The following SPATS2L variants were observed in gnomAD, a reference collection of about 807,000 sequenced individuals.
The protein encoded by SPATS2L is SPATS2-like protein.
Under a neutral mutation model 59.6 loss-of-function variants are expected in SPATS2L, and 30 were observed. That is an observed-to-expected ratio of 0.50 (90% CI 0.38 to 0.68). The LOEUF (loss-of-function observed/expected upper bound fraction) is 0.68. Ranked by LOEUF, SPATS2L falls within the 30% of genes least tolerant of loss-of-function variation. The probability of loss-of-function intolerance (pLI) is 0.00; values close to 1 mark genes in which losing one functional copy is unlikely to be tolerated. For missense variants in SPATS2L, 615 were observed against 700.0 expected (o/e 0.88, Z 1.37); for synonymous variants, 252 against 263.5 (o/e 0.96, Z 0.42).
chr2:200,370,645 A>G (rs770069596), intron 2 of SPATS2L, among the ~76,000 whole-genome samples: 5 of 152,170 alleles, frequency 3.3e-5, no homozygotes, highest in Non-Finnish European at 5.9e-5. Flanking sequence ...TTCTATATAT[A>G]TTAGTTTATT....
chr2:200,470,464 T>G (rs2086942221), intron 11 of SPATS2L, among the ~76,000 whole-genome samples: 1 of 152,226 alleles, frequency 6.6e-6, no homozygotes, highest in Admixed American at 6.5e-5. Context: ...CTCGGTTCTC[T>G]GTGCTGAGTG....
At chr2:200,471,594 G>T (rs567346133) in intron 11 of SPATS2L, among the ~76,000 whole-genome samples, 2 of 152,248 alleles carry the variant, frequency 1.3e-5, no homozygotes, top group South Asian at 4.2e-4. Context: ...AGAGCACATT[G>T]AGAACCCACA....
chr2:200,400,514 T>C (rs2082492276), intron 3 of SPATS2L, among the ~76,000 whole-genome samples: 1 of 152,250 alleles, frequency 6.6e-6, no homozygotes, highest in African/African-American at 2.4e-5. Context: ...ATGTATATAT[T>C]TAAACTTCCC....
intron 3 of SPATS2L, among the ~76,000 whole-genome samples, chr2:200,392,368 G>A (rs546689198): frequency 6.6e-6 from 1 of 152,258 alleles, no homozygotes; most frequent in Non-Finnish European, 1.5e-5. Context: ...GGTTTGGGGT[G>A]GTGAACCCAG....
intron 3 of SPATS2L, chr2:200,390,830 T>A (rs1342690951): frequency 6.7e-6 from 1 of 148,324 alleles, no homozygotes; most frequent in Non-Finnish European, 1.5e-5. Flanking sequence ...TACCGTTTCC[T>A]CCAGTCATGA....
intron 1 of SPATS2L, among the ~76,000 whole-genome samples, chr2:200,311,214 T>C (rs2079182798): frequency 6.6e-6 from 1 of 152,226 alleles, no homozygotes; most frequent in African/African-American, 2.4e-5. Context: ...TTTGTTAACT[T>C]AGAAATTCAT....
At chr2:200,454,752 C>T (rs936958680) in intron 8 of SPATS2L, among the ~76,000 whole-genome samples, 2 of 152,136 alleles carry the variant, frequency 1.3e-5, no homozygotes, top group African/African-American at 4.8e-5. Flanking sequence ...GTGAGGTCCG[C>T]GTGGATTTTA....
At chr2:200,375,298 G>A (rs1241421384) in intron 2 of SPATS2L, among the ~76,000 whole-genome samples, 3 of 152,142 alleles carry the variant, frequency 2.0e-5, no homozygotes, top group African/African-American at 7.2e-5. Flanking sequence ...CCATAGAAAA[G>A]GTTAACTTCA....
In SPATS2L at chr2:200,469,986, C is replaced by G. The variant is rs1378117983; in HGVS notation, c.1030C>G (p.Leu344Val). 8.1e-6 allele frequency: 13 copies of G among 1,611,846 alleles called. No individual in the cohort carries two copies. Among genetic ancestry groups the G allele is most frequent in the Non-Finnish European group, 9.3e-6 (11 of 1,178,954 alleles). Residue 344 changes from leucine to valine, a missense_variant, in exon 11 of 13, where the codon CTG becomes GTG. Leu to Val is a conservative substitution (Grantham distance 32). This residue lies in a region of SPATS2L where 104 missense variants were observed against 162.5 expected (regional missense o/e 0.64). Transcript: ENST00000409140. ...AARFSCDIEQ[L>V]KAQIMLCGEI... ...CCGGTTTTCCTGTGACATCGAACAG[C>G]TGAAGGCCCAAATCATGCTCTGCGG... is the stretch of plus-strand genomic sequence containing the variant.
intron 1 of SPATS2L, among the ~76,000 whole-genome samples, chr2:200,313,556 T>C (rs2079263138): frequency 6.6e-6 from 1 of 152,198 alleles, no homozygotes; most frequent in Non-Finnish European, 1.5e-5. Flanking sequence ...TTGTCTTTTC[T>C]TCAGGGTCTC....
At chr2:200,449,202 T>C (rs888244074) in intron 8 of SPATS2L, among the ~76,000 whole-genome samples, 1 of 152,218 alleles carries the variant, frequency 6.6e-6, no homozygotes, top group Non-Finnish European at 1.5e-5. Flanking sequence ...CTGCAATAGA[T>C]GTTTCCCCAG....
At chr2:200,439,428 G>A in intron 7 of SPATS2L, 100 bp downstream of exon 7, 1 of 983,136 alleles carries the variant, frequency 1.0e-6, no homozygotes, top group Admixed American at 2.3e-5. Context: ...TTAGTGAAGA[G>A]AGATGCACAT....
chr2:200,466,174 T>TA (rs1303254234), intron 9 of SPATS2L, among the ~76,000 whole-genome samples: 4 of 152,258 alleles, frequency 2.6e-5, no homozygotes, highest in Non-Finnish European at 5.9e-5. Flanking sequence ...TAAGAACTCT[T>TA]AAAATCAGAA....
chr2:200,446,148 A>C (rs538037863), intron 8 of SPATS2L, among the ~76,000 whole-genome samples: 3 of 152,186 alleles, frequency 2.0e-5, no homozygotes, highest in Admixed American at 1.3e-4. Flanking sequence ...AGACCAGCCT[A>C]GACAACATGG....
chr2:200,319,165 G>C (rs7605146), intron 1 of SPATS2L, among the ~76,000 whole-genome samples: 1 of 151,930 alleles, frequency 6.6e-6, no homozygotes, highest in African/African-American at 2.4e-5. Flanking sequence ...TCTCCTCCTC[G>C]AAGTCTTCTC....
chr2:200,320,436 A>G (rs2079524945), intron 1 of SPATS2L, among the ~76,000 whole-genome samples: 2 of 152,250 alleles, frequency 1.3e-5, no homozygotes, highest in African/African-American at 4.8e-5. Context: ...TATGTAATAC[A>G]TCATTCTATT....
In SPATS2L at chr2:200,459,228, C is replaced by T. The variant is rs964273816; in HGVS notation, c.789-541C>T. 5.3e-5 allele frequency among the ~76,000 whole-genome samples: 8 copies of T among 152,082 alleles called. No individual in the cohort carries two copies. The East Asian group carries it at 5.8e-4, about 11-fold the overall frequency. On this transcript the variant is annotated intron_variant, in intron 8 of 12. Coordinates refer to ENST00000409140, the MANE Select transcript of SPATS2L (RefSeq NM_001100423.2). The stretch of plus-strand genomic sequence containing the variant: ...TCATTAGAACCTTGAAATGCTTACT[C>T]GGGAGAATGAAAAAGGCAGAGACTT...
intron 2 of SPATS2L, among the ~76,000 whole-genome samples, chr2:200,338,851 G>A (rs575005315): frequency 2.6e-4 from 39 of 151,614 alleles, no homozygotes; most frequent in Non-Finnish European, 5.4e-4. Flanking sequence ...TGCACTGTCA[G>A]TCGCATAGGA....
chr2:200,418,166 C>G (rs937767757), intron 5 of SPATS2L, among the ~76,000 whole-genome samples: 1 of 152,046 alleles, frequency 6.6e-6, no homozygotes, highest in South Asian at 2.1e-4. Flanking sequence ...TAAAATGAAG[C>G]CTTGTAATGC....
Sources: gnomAD v4.1 joint callset for allele counts (sites outside exome capture counted in the v4.1 genomes callset) on GRCh38, gnomAD v4.1.1 for gene constraint, gnomAD v4.1.1 regional missense constraint, MANE v1.5 for transcripts, NCBI Gene and HGNC (gene_info 2026-07-23, HGNC 2026-07-21) for gene names.